Variants in CAMTA1 observed in about 807,000 individuals in gnomAD.
CAMTA1 encodes calmodulin-binding transcription activator 1.
Under a neutral mutation model 170.9 loss-of-function variants are expected in CAMTA1, and 27 were observed. That is an observed-to-expected ratio of 0.16 (90% CI 0.12 to 0.22). CAMTA1 has a LOEUF of 0.22. Among genes scored for constraint, CAMTA1 ranks in the 10% least tolerant of loss-of-function variants. The pLI is 1.00. For missense variants in CAMTA1, 1,619 were observed against 2,217.2 expected (o/e 0.73, Z 5.42); for synonymous variants, 833 against 891.5 (o/e 0.93, Z 1.17).
At chr1:6,871,668 G>A (rs930931791) in intron 3 of CAMTA1, 1 of 1,114,240 alleles carries the variant, frequency 9.0e-7, no homozygotes, top group Non-Finnish European at 1.3e-6. Context: ...GGAATGATGG[G>A]GTTCAGTTAC....
intron 6 of CAMTA1, among the ~76,000 whole-genome samples, chr1:7,486,158 T>C (rs149970469): frequency 6.6e-6 from 1 of 152,172 alleles, no homozygotes; most frequent in South Asian, 2.1e-4. Flanking sequence ...ATGGCCAGAT[T>C]TTCGTAGGTG....
chr1:7,346,419 A>C (rs2149845095), intron 5 of CAMTA1, among the ~76,000 whole-genome samples: 1 of 152,262 alleles, frequency 6.6e-6, no homozygotes, highest in South Asian at 2.1e-4. Flanking sequence ...CCTGCTGAGG[A>C]CGGGGGAACT....
chr1:7,046,424 G>T (rs1558019648), intron 3 of CAMTA1, among the ~76,000 whole-genome samples: 1 of 152,202 alleles, frequency 6.6e-6, no homozygotes, highest in Admixed American at 6.5e-5. Flanking sequence ...CAGAGGGAGG[G>T]AGTGCCACAT....
chr1:7,607,480 T>G (rs553075833), intron 6 of CAMTA1, among the ~76,000 whole-genome samples: 1 of 151,440 alleles, frequency 6.6e-6, no homozygotes, highest in African/African-American at 2.4e-5. Flanking sequence ...GATGGATGGA[T>G]GGATAGATGG....
chr1:7,236,109 T>A (rs1435377243), intron 4 of CAMTA1, among the ~76,000 whole-genome samples: 2 of 152,202 alleles, frequency 1.3e-5, no homozygotes, highest in Non-Finnish European at 2.9e-5. Flanking sequence ...TTCTTGCTCC[T>A]TGTCCCCCAA....
intron 6 of CAMTA1, among the ~76,000 whole-genome samples, chr1:7,524,071 G>T (rs1283803769): frequency 6.6e-6 from 1 of 151,484 alleles, no homozygotes; most frequent in Admixed American, 6.6e-5. Flanking sequence ...GCATGGTGAT[G>T]CGTGCCTGTA....
At chr1:7,102,023 AAC>A (rs57209159) in intron 4 of CAMTA1, among the ~76,000 whole-genome samples, 4,015 of 148,554 alleles carry the variant, frequency 0.027, 143 homozygotes, top group East Asian at 0.096. Flanking sequence ...ATAAATACAC[AAC>A]ACACACACAC....
intron 5 of CAMTA1, among the ~76,000 whole-genome samples, chr1:7,379,983 A>T (rs2087157971): frequency 6.6e-6 from 1 of 152,224 alleles, no homozygotes; most frequent in African/African-American, 2.4e-5. Context: ...CTTAATCAGT[A>T]GTCATCACTT....
intron 3 of CAMTA1, among the ~76,000 whole-genome samples, chr1:7,035,205 C>T (rs930686201): frequency 7.9e-5 from 12 of 152,002 alleles, no homozygotes; most frequent in Admixed American, 5.2e-4. Flanking sequence ...AGTTTGAGAC[C>T]ACCTCATCAA....
intron 3 of CAMTA1, among the ~76,000 whole-genome samples, chr1:6,833,335 T>C (rs946695943): frequency 2.0e-5 from 3 of 152,172 alleles, no homozygotes; most frequent in African/African-American, 7.2e-5. Flanking sequence ...GTTGGATGAA[T>C]TAACGTAAAA....
chr1:6,844,965 A>T (rs1228880275), intron 3 of CAMTA1, among the ~76,000 whole-genome samples: 1 of 152,178 alleles, frequency 6.6e-6, no homozygotes, highest in Non-Finnish European at 1.5e-5. Context: ...TTTATTTTTT[A>T]TAGCAATAAG....
chr1:7,386,747 C>T (rs2088039591), intron 5 of CAMTA1, among the ~76,000 whole-genome samples: 1 of 152,148 alleles, frequency 6.6e-6, no homozygotes, highest in Non-Finnish European at 1.5e-5. Context: ...CTCCTGTTTC[C>T]CAAGGCTAAG....
intron 7 of CAMTA1, among the ~76,000 whole-genome samples, chr1:7,654,993 C>CAA (rs2095875945): frequency 7.0e-6 from 1 of 142,414 alleles, no homozygotes; most frequent in African/African-American, 2.6e-5. Flanking sequence ...TATACACACA[C>CAA]CCACACACAC....
intron 6 of CAMTA1, among the ~76,000 whole-genome samples, chr1:7,503,354 G>C (rs547864628): frequency 6.6e-6 from 1 of 152,188 alleles, no homozygotes; most frequent in African/African-American, 2.4e-5. Context: ...GTGTGCTTAC[G>C]AAGGGGCTTT....
intron 1 of CAMTA1, chr1:6,807,213 G>T (rs1644618479): frequency 2.2e-6 from 1 of 449,822 alleles, no homozygotes; most frequent in South Asian, 5.3e-5. Context: ...CCAGGTAATT[G>T]GGTGAGTTTG....
At chr1:6,869,632 T>C (rs1455213090) in intron 3 of CAMTA1, among the ~76,000 whole-genome samples, 1 of 152,206 alleles carries the variant, frequency 6.6e-6, no homozygotes, top group Admixed American at 6.5e-5. Context: ...CCTCCCTAAA[T>C]AGCAAACTCA....
At chr1:6,922,834 G>A (rs1682312421) in intron 3 of CAMTA1, among the ~76,000 whole-genome samples, 1 of 152,112 alleles carries the variant, frequency 6.6e-6, no homozygotes, top group South Asian at 2.1e-4. Context: ...AAGCGCCCTA[G>A]GGAGGGCCAG....
intron 5 of CAMTA1, among the ~76,000 whole-genome samples, chr1:7,447,389 G>C (rs527506106): frequency 6.7e-6 from 1 of 149,048 alleles, no homozygotes; most frequent in Non-Finnish European, 1.5e-5. Context: ...GATAGTGTTG[G>C]GCCTGCCTTT....
intron 3 of CAMTA1, among the ~76,000 whole-genome samples, chr1:6,945,670 C>T (rs536307759): frequency 1.3e-5 from 2 of 152,242 alleles, no homozygotes; most frequent in South Asian, 2.1e-4. Flanking sequence ...AGCTGTCACT[C>T]CTGTCTCCCC....
Sources: gnomAD v4.1 joint callset for allele counts (sites outside exome capture counted in the v4.1 genomes callset) on GRCh38, gnomAD v4.1.1 for gene constraint, MANE v1.5 for transcripts, NCBI Gene and HGNC (gene_info 2026-07-23, HGNC 2026-07-21) for gene names.